RAI2: variants seen among roughly 807,000 people sequenced by gnomAD.
RAI2 encodes the protein retinoic acid-induced protein 2.
In RAI2, 5 loss-of-function variants were observed where a neutral mutation model predicts 15.3. That is an observed-to-expected ratio of 0.33 (90% confidence interval 0.17 to 0.69). RAI2 has a LOEUF of 0.69. RAI2 is among the 30% of genes least tolerant of loss of function. The pLI, the probability that RAI2 is intolerant of heterozygous loss-of-function variation, is 0.69. For synonymous variants in RAI2, 191 were observed against 184.0 expected (o/e 1.04, Z -0.31); for missense variants, 424 against 424.7 (o/e 1.00, Z 0.01).
At chrX:17,846,409 A>C (rs1329037684) in intron 1 of RAI2, among the ~76,000 whole-genome samples, 1 of 111,960 alleles carries the variant, frequency 8.9e-6, no homozygotes, top group East Asian at 2.8e-4. Flanking sequence ...AGCTGGGCCC[A>C]GTCAAAGCCT....
At chrX:17,830,617 C>T (rs761720627) in intron 1 of RAI2, among the ~76,000 whole-genome samples, 1 of 110,553 alleles carries the variant, frequency 9.0e-6, no homozygotes, top group Admixed American at 9.7e-5. Flanking sequence ...ACAAGCCGAG[C>T]TGAACAAGCT....
intron 1 of RAI2, among the ~76,000 whole-genome samples, chrX:17,802,497 A>G (rs772673174): frequency 8.9e-6 from 1 of 112,624 alleles, no homozygotes; most frequent in South Asian, 3.7e-4. Context: ...TGCTATGACT[A>G]TGGAAAATGG....
intron 1 of RAI2, among the ~76,000 whole-genome samples, chrX:17,845,271 G>A (rs2067442207): frequency 8.9e-6 from 1 of 112,611 alleles, no homozygotes. Context: ...GGCCATGGCC[G>A]AGGAATCTTA....
Position 17,801,384 on chromosome X carries a change from A to G in RAI2, c.627T>C (p.Tyr209=). The change falls in exon 2 of 2, where the codon TAT becomes TAC. Residue 209 remains tyrosine (Y), a synonymous_variant. Coordinates refer to ENST00000451717, the MANE Select transcript of RAI2 (RefSeq NM_021785.6). The part of the protein sequence containing the change: ...GPPPCQPPPG[Y]APVPPQPFSS... Reference sequence around the variant, plus strand: ...TAAAAGGCTGTGGGGGCACAGGGGCATAGCCAGGAGGAGGCTGACAGGGTG... The same window carrying G: ...TAAAAGGCTGTGGGGGCACAGGGGCGTAGCCAGGAGGAGGCTGACAGGGTG... 5.2e-6 allele frequency: 6 copies of G among 1,150,702 alleles called. No individual in the cohort carries two copies. The highest frequency in any genetic ancestry group is 6.9e-6 in the Non-Finnish European group (6 of 865,384). 94.8% of individuals were successfully genotyped at this position (1,150,702 alleles called of 1,213,427 possible).
At chrX:17,818,920 G>A (rs929957182) in intron 1 of RAI2, among the ~76,000 whole-genome samples, 2 of 112,941 alleles carry the variant, frequency 1.8e-5, no homozygotes, top group African/African-American at 6.4e-5. Context: ...CTGCTTACAC[G>A]TTAGACGATC....
At chrX:17,824,181 C>G (rs1388578553) in intron 1 of RAI2, among the ~76,000 whole-genome samples, 2 of 112,467 alleles carry the variant, frequency 1.8e-5, no homozygotes, top group Non-Finnish European at 3.8e-5. Context: ...TTCTAGAGGG[C>G]AATTTAAAAT....
intron 1 of RAI2, among the ~76,000 whole-genome samples, chrX:17,811,043 G>A (rs2067043740): frequency 8.9e-6 from 1 of 112,471 alleles, no homozygotes; most frequent in Non-Finnish European, 1.9e-5. Context: ...AGGTAAAGGA[G>A]TAAGTCTCTA....
rs957194512 is a variant in RAI2 at position 17,831,977 on chromosome X, T to C, written c.-25+29121A>G. ...TTCCCAATTAAAGCACTCATTGCCT[T>C]ATTGTCTCTAATCAAAGCAAGCATT... On this transcript the variant is annotated intron_variant, in intron 1 of 1. Coordinates refer to ENST00000451717, the MANE Select transcript of RAI2 (RefSeq NM_021785.6). 3.5e-4 allele frequency among the ~76,000 whole-genome samples: 39 copies of C among 111,981 alleles called. 1 individual carries two copies. The highest frequency in any genetic ancestry group is 1.3e-4 in the Non-Finnish European group (7 of 53,239).
intron 1 of RAI2, among the ~76,000 whole-genome samples, chrX:17,825,340 C>T (rs144424072): frequency 2.3e-3 from 264 of 112,668 alleles, no homozygotes; most frequent in Middle Eastern, 0.014. Flanking sequence ...AGGATTTATT[C>T]TGAGGGATTT....
chrX:17,823,501 T>C (rs1270629640), intron 1 of RAI2, among the ~76,000 whole-genome samples: 2 of 111,663 alleles, frequency 1.8e-5, no homozygotes, highest in Non-Finnish European at 3.8e-5. Context: ...GTAGGCAAGA[T>C]GTGCGGTGGA....
intron 1 of RAI2, among the ~76,000 whole-genome samples, chrX:17,846,692 T>G (rs2067462361): frequency 9.0e-6 from 1 of 111,415 alleles, no homozygotes; most frequent in African/African-American, 3.3e-5. Context: ...TAGGCCTGGC[T>G]GCAGGGGGAG....
At chrX:17,803,471 C>T (rs192034079) in intron 1 of RAI2, among the ~76,000 whole-genome samples, 1 of 110,154 alleles carries the variant, frequency 9.1e-6, no homozygotes, top group African/African-American at 3.3e-5. Flanking sequence ...GCGGAGGTTG[C>T]AGTGAGCCGA....
Position 17,801,933 on chromosome X carries a change from C to T in RAI2, c.78G>A (p.Glu26=), listed in dbSNP as rs955228237. 3 of 1,211,578 alleles carry T rather than the reference C, an allele frequency of 2.5e-6. No homozygotes were observed. The highest frequency in any genetic ancestry group is 3.4e-6 in the Non-Finnish European group (3 of 895,442). ...TGGTGATCAGCTGAGCCATGCCATT[C>T]TCCAGTCTGTTATTAGCCAAGGCAG... ...SPPALANNRL[E]NGMAQLITTE... Residue 26 remains glutamate, a synonymous_variant, in exon 2 of 2, where the codon GAG becomes GAA. Transcript: ENST00000451717.
At position 17,801,482 on chromosome X, in the gene RAI2, G is replaced by T; in HGVS notation, c.529C>A (p.Pro177Thr). 1 of 1,177,353 alleles carries T rather than the reference G, an allele frequency of 8.5e-7. No homozygotes were observed. ...TCAAATGGCAAAGTGGGCTCCTGCG[G>T]CTGGCTGGGGATCCTCAGGTCCAGG... The part of the protein sequence containing the change: ...QLLDLRIPSQ[P>T]QEPTLPFEAV... Residue 177 changes from proline to threonine, a missense_variant, in exon 2 of 2, where the codon CCG becomes ACG. Pro to Thr is a conservative substitution (Grantham distance 38). Transcript: ENST00000451717.
chrX:17,814,454 C>T (rs2067083305), intron 1 of RAI2, among the ~76,000 whole-genome samples: 2 of 107,284 alleles, frequency 1.9e-5, no homozygotes, highest in Admixed American at 1.0e-4. Flanking sequence ...GGCAGGACAC[C>T]GACAAATGTC....
At chrX:17,858,834 G>A (rs183986484) in intron 1 of RAI2, among the ~76,000 whole-genome samples, 3 of 111,969 alleles carry the variant, frequency 2.7e-5, no homozygotes, top group Non-Finnish European at 3.8e-5. Context: ...CACCACTGGA[G>A]GTCTTGGCTT....
chrX:17,829,368 C>A (rs2067259565), intron 1 of RAI2, among the ~76,000 whole-genome samples: 2 of 108,857 alleles, frequency 1.8e-5, no homozygotes, highest in Non-Finnish European at 3.8e-5. Flanking sequence ...CAAAACAGGG[C>A]TAATGATTGA....
rs1171791022 is a variant in RAI2, at chrX:17,857,990, G to C, written c.-25+3108C>G. On this transcript the variant is annotated intron_variant, in intron 1 of 1. Coordinates refer to ENST00000451717, the MANE Select transcript of RAI2 (RefSeq NM_021785.6). Reference sequence around the variant, plus strand: ...GGTGGAGGGGCTGAAAGATCCAGCAGGAAGAGATCCAGAGATTTGTATGTT... The same window carrying C: ...GGTGGAGGGGCTGAAAGATCCAGCACGAAGAGATCCAGAGATTTGTATGTT... Among the ~76,000 whole-genome samples, 3 of 111,422 alleles carry C rather than the reference G, an allele frequency of 2.7e-5. No homozygotes were observed. In the East Asian group the frequency reaches 8.6e-4, roughly 32 times the overall value.
chrX:17,854,875 G>A (rs1318680881), intron 1 of RAI2, among the ~76,000 whole-genome samples: 1 of 111,940 alleles, frequency 8.9e-6, no homozygotes, highest in African/African-American at 3.3e-5. Context: ...TCAGCCAAGG[G>A]TCCCCTGTGA....
Sources: gnomAD v4.1 joint callset for allele counts (sites outside exome capture counted in the v4.1 genomes callset) on GRCh38, gnomAD v4.1.1 for gene constraint, MANE v1.5 for transcripts, NCBI Gene and HGNC (gene_info 2026-07-23, HGNC 2026-07-21) for gene names.